Variants in ARMH1 observed in about 807,000 individuals in gnomAD.
ARMH1 encodes armadillo-like helical domain containing protein 1.
A neutral mutation model predicts 50.2 loss-of-function variants in ARMH1; 34 were observed. That is an observed-to-expected ratio of 0.68 (90% CI 0.51 to 0.90). ARMH1 has a LOEUF of 0.90. Among genes scored for constraint, ARMH1 ranks in the 40% least tolerant of loss-of-function variants. ARMH1 has a pLI of 0.00. For missense variants in ARMH1, 538 were observed against 553.9 expected (o/e 0.97, Z 0.29); for synonymous variants, 221 against 224.2 (o/e 0.99, Z 0.13).
intron 5 of ARMH1, among the ~76,000 whole-genome samples, chr1:44,702,326 A>C (rs1646119469): frequency 6.6e-6 from 1 of 152,172 alleles, no homozygotes; most frequent in Non-Finnish European, 1.5e-5. Flanking sequence ...CCAAGGCCGC[A>C]TGCTAAGTAA....
At chr1:44,705,388 G>T (rs891414414) in intron 6 of ARMH1, among the ~76,000 whole-genome samples, 1 of 151,966 alleles carries the variant, frequency 6.6e-6, no homozygotes, top group African/African-American at 2.4e-5. Flanking sequence ...AGCTACTTGA[G>T]TGGCTGAGGC....
In ARMH1 at chr1:44,698,213, C is replaced by T. The variant is rs1046888679; in HGVS notation, c.426C>T (p.Leu142=). ...IANSGRTYKE[L]ICESYGVRSI... ...ACTCTGGCAGGACATACAAGGAACT[C>T]ATTTGTGAAAGCTATGGTGGGTACT... The change falls in exon 4 of 12, where the codon CTC becomes CTT. Residue 142 remains leucine (L), a synonymous_variant. Transcript: ENST00000535358. The T allele has an allele frequency of 1.3e-6, 2 of 1,551,940 alleles. No homozygotes were observed. The highest frequency in any genetic ancestry group is 2.0e-5 in the Admixed American group (1 of 50,984).
At chr1:44,725,090 G>T in intron 10 of ARMH1, 46 bp from the exon 11 acceptor site, 1 of 1,550,826 alleles carries the variant, frequency 6.4e-7, no homozygotes, top group South Asian at 1.2e-5. Context: ...TCCAAGTCCA[G>T]ACTGCCCTGG....
chr1:44,705,898 G>A (rs956291957), intron 6 of ARMH1, among the ~76,000 whole-genome samples: 2 of 152,268 alleles, frequency 1.3e-5, no homozygotes, highest in South Asian at 2.1e-4. Context: ...GAAAGGAGGA[G>A]AGGAGTTCGT....
intron 1 of ARMH1, among the ~76,000 whole-genome samples, chr1:44,676,069 TG>T (rs1278887257): frequency 6.6e-6 from 1 of 152,056 alleles, no homozygotes; most frequent in Non-Finnish European, 1.5e-5. Context: ...GCACAAAGCA[TG>T]GAGTGGCAGC....
chr1:44,688,014 G>A (rs1333332418), intron 1 of ARMH1, among the ~76,000 whole-genome samples: 3 of 152,144 alleles, frequency 2.0e-5, no homozygotes, highest in African/African-American at 7.2e-5. Context: ...AGCTAGTGGT[G>A]GTGTCTCAAC....
Position 44,689,904 on chromosome 1 carries a change from G to A in ARMH1, c.206+1G>A, listed in dbSNP as rs761747899. On this transcript the variant is annotated splice_donor_variant, in intron 2 of 11. Transcript: ENST00000535358. LOFTEE classifies it high-confidence loss of function. ...GCTTGACCACCTCGCTTAGAATCACGTATCCTTTACTGAACAGAAAAAAAA... is the reference window on the plus strand; with the variant it reads ...GCTTGACCACCTCGCTTAGAATCACATATCCTTTACTGAACAGAAAAAAAA... The A allele has an allele frequency of 1.4e-5, 21 of 1,548,794 alleles. No homozygotes were observed. Among genetic ancestry groups the A allele is most frequent in the South Asian group, 2.4e-5 (2 of 83,946 alleles).
At position 44,725,235 on chromosome 1, in the gene ARMH1, G is replaced by C. The variant is rs887576840; in HGVS notation, c.1210+18G>C. ...TACCAAAGGTGAGTGTGGGACGAGGGAAGCCGGGCGCAGGCGCCGCCAGCA... is the reference window on the plus strand; with the variant it reads ...TACCAAAGGTGAGTGTGGGACGAGGCAAGCCGGGCGCAGGCGCCGCCAGCA... On this transcript the variant is annotated intron_variant, in intron 11 of 11. Coordinates refer to ENST00000535358, the MANE Select transcript of ARMH1 (RefSeq NM_001145636.2). 1.3e-6 allele frequency: 2 copies of C among 1,551,562 alleles called. No homozygotes were observed. The highest frequency in any genetic ancestry group is 1.4e-5 in the African/African-American group (1 of 72,998).
intron 1 of ARMH1, among the ~76,000 whole-genome samples, chr1:44,686,642 C>T (rs1481104537): frequency 6.6e-6 from 1 of 151,982 alleles, no homozygotes; most frequent in African/African-American, 2.4e-5. Flanking sequence ...CACCACTGCA[C>T]TCCAGCCTAG....
At chr1:44,702,059 G>A (rs1053923843) in intron 5 of ARMH1, among the ~76,000 whole-genome samples, 2 of 152,046 alleles carry the variant, frequency 1.3e-5, no homozygotes, top group African/African-American at 2.4e-5. Context: ...GAGCTATGAT[G>A]GCACCACTGC....
chr1:44,693,920 G>T (rs920772180), intron 2 of ARMH1, among the ~76,000 whole-genome samples: 3 of 152,208 alleles, frequency 2.0e-5, no homozygotes, highest in Middle Eastern at 3.4e-3. Context: ...CTCTTAAGCT[G>T]TCCTCTCTTC....
intron 4 of ARMH1, among the ~76,000 whole-genome samples, chr1:44,700,705 A>G (rs1646045177): frequency 6.6e-6 from 1 of 152,160 alleles, no homozygotes; most frequent in African/African-American, 2.4e-5. Flanking sequence ...TAAACTTTAA[A>G]ACAGATTTTG....
chr1:44,700,437 G>A (rs1276970489), intron 4 of ARMH1, among the ~76,000 whole-genome samples: 1 of 152,004 alleles, frequency 6.6e-6, no homozygotes, highest in Non-Finnish European at 1.5e-5. Flanking sequence ...CTAACACTGT[G>A]AAACCCTGTC....
At position 44,690,541 on chromosome 1, in the gene ARMH1, C is replaced by T. The variant is rs76889618; in HGVS notation, c.206+638C>T. ...TATTCTTTCTCTCCTATAGCTTTCA[C>T]CTTTGCCTCATAACCAGCGTTTTTT... On this transcript the variant is annotated intron_variant, in intron 2 of 11. Transcript: ENST00000535358. 5.1e-3 allele frequency among the ~76,000 whole-genome samples: 779 copies of T among 152,306 alleles called. 9 individuals are homozygous for T. The highest frequency in any genetic ancestry group is 0.018 in the African/African-American group (730 of 41,562).
rs1194654615 is a variant in ARMH1 at position 44,689,831 on chromosome 1, C to G, written c.134C>G (p.Pro45Arg). ...FIETNQGKTA[P>R]ELEQEFSQGA... The stretch of plus-strand genomic sequence containing the variant: ...GAAACCAACCAAGGCAAGACTGCCC[C>G]TGAACTGGAGCAGGAGTTTTCCCAG... The change falls in exon 2 of 12, where the codon CCT (proline) becomes CGT (arginine). Residue 45 changes from proline (P) to arginine (R), a missense_variant. Coordinates refer to ENST00000535358, the MANE Select transcript of ARMH1 (RefSeq NM_001145636.2). The G allele has an allele frequency of 1.3e-6, 2 of 1,551,540 alleles. No individual in the cohort carries two copies. The highest frequency in any genetic ancestry group is 2.4e-5 in the South Asian group (2 of 84,058).
chr1:44,715,603 A>G (rs910320475), intron 6 of ARMH1, among the ~76,000 whole-genome samples: 29 of 152,164 alleles, frequency 1.9e-4, no homozygotes, highest in African/African-American at 6.8e-4. Context: ...TCTGTCACCC[A>G]GGCTGGAGTG....
In ARMH1 at chr1:44,724,719, C is replaced by T; in HGVS notation, c.1051-43C>T. ...CGGGAAGGGCGGCGGCACCCGCAGC[C>T]CCGTCGCCCCCGCAGTCACGCCGCC... On this transcript the variant is annotated intron_variant, in intron 9 of 11. Coordinates refer to ENST00000535358, the MANE Select transcript of ARMH1 (RefSeq NM_001145636.2). The surrounding 1 kb of genome is among the most constrained non-coding windows in gnomAD (Gnocchi z 6.4). 1 of 1,496,436 alleles carries T rather than the reference C, an allele frequency of 6.7e-7. No individual in the cohort carries two copies. The highest frequency in any genetic ancestry group is 2.7e-5 in the East Asian group (1 of 37,202). The allele number at this position is 1,496,436 out of a possible 1,614,324, so 92.7% of individuals were successfully genotyped here.
chr1:44,724,353 C>T lies in ARMH1; in HGVS notation c.881C>T (p.Pro294Leu), dbSNP rs1172099860. ...PSVLQLTPSL[P>L]MFLQQAAAAK... Reference sequence around the variant, plus strand: ...GTTCTCCAGCTCACCCCCAGCCTGCCGATGTTTTTGCAGCAGGCCGCGGCC... The same window carrying T: ...GTTCTCCAGCTCACCCCCAGCCTGCTGATGTTTTTGCAGCAGGCCGCGGCC... The change falls in exon 8 of 12, where the codon CCG (proline) becomes CTG (leucine). Residue 294 changes from proline (P) to leucine (L), a missense_variant. Transcript: ENST00000535358. The surrounding 1 kb of genome is among the most constrained non-coding windows in gnomAD (Gnocchi z 6.4). The T allele has an allele frequency of 6.4e-7, 1 of 1,551,456 alleles. No individual in the cohort carries two copies.
At chr1:44,713,377 G>T (rs1223352527) in intron 6 of ARMH1, among the ~76,000 whole-genome samples, 4 of 152,058 alleles carry the variant, frequency 2.6e-5, no homozygotes, top group Admixed American at 2.6e-4. Flanking sequence ...GGGATTACAG[G>T]TATGAGTCAC....
Sources: gnomAD v4.1 joint callset for allele counts (sites outside exome capture counted in the v4.1 genomes callset) on GRCh38, gnomAD v4.1.1 for gene constraint, Gnocchi (gnomAD v3.1) non-coding constraint, MANE v1.5 for transcripts, NCBI Gene and HGNC (gene_info 2026-07-23, HGNC 2026-07-21) for gene names.